Variants in ENOX1 observed in about 807,000 individuals in gnomAD.
ENOX1 encodes the protein ecto-NOX disulfide-thiol exchanger 1.
ENOX1 carries 42 observed loss-of-function variants against 82.5 expected under a neutral mutation model. That is an observed-to-expected ratio of 0.51 (90% confidence interval 0.40 to 0.66). The LOEUF (loss-of-function observed/expected upper bound fraction) is 0.66, where lower values mean the gene tolerates loss of function less well. Ranked by LOEUF, ENOX1 falls within the 30% of genes least tolerant of loss-of-function variation. The pLI is 0.00. For missense variants in ENOX1, 608 were observed against 811.6 expected (o/e 0.75, Z 3.05); for synonymous variants, 271 against 282.2 (o/e 0.96, Z 0.40).
chr13:43,438,522 C>T (rs1431475745), intron 3 of ENOX1, among the ~76,000 whole-genome samples: 1 of 152,148 alleles, frequency 6.6e-6, no homozygotes, highest in Admixed American at 6.6e-5. Flanking sequence ...ATTTCCATGG[C>T]ACAAGAACAC....
chr13:43,436,003 T>C (rs1191842379), intron 3 of ENOX1, among the ~76,000 whole-genome samples: 4 of 150,372 alleles, frequency 2.7e-5, no homozygotes, highest in African/African-American at 4.9e-5. Context: ...AGGCAGGAAA[T>C]GGTAAACTCA....
At chr13:43,492,591 T>C (rs1346939992) in intron 2 of ENOX1, among the ~76,000 whole-genome samples, 1 of 152,142 alleles carries the variant, frequency 6.6e-6, no homozygotes, top group Admixed American at 6.5e-5. Context: ...GACTGGACTT[T>C]CCAAGAAAGT....
chr13:43,687,982 C>A (rs957407162), intron 1 of ENOX1, among the ~76,000 whole-genome samples: 1 of 151,888 alleles, frequency 6.6e-6, no homozygotes, highest in African/African-American at 2.4e-5. Flanking sequence ...AGAGAGAACA[C>A]AATATAAACA....
chr13:43,650,683 C>G (rs953420536), intron 2 of ENOX1, among the ~76,000 whole-genome samples: 1 of 152,002 alleles, frequency 6.6e-6, no homozygotes, highest in Non-Finnish European at 1.5e-5. Context: ...ACTAAAAACA[C>G]AAAAATCAAC....
intron 15 of ENOX1, among the ~76,000 whole-genome samples, chr13:43,229,499 C>T (rs528798054): frequency 2.0e-5 from 3 of 152,244 alleles, no homozygotes; most frequent in Admixed American, 6.5e-5. Context: ...AGGTGGGGGC[C>T]AGATCACGCA....
Position 43,576,768 on chromosome 13 carries a change from G to T in ENOX1, c.-219+90711C>A, listed in dbSNP as rs569548849. Reference sequence around the variant, plus strand: ...CCAGAAAGATTAAATTACATATATAGATCACATAGTATTTCTATGGAACAG... The same window carrying T: ...CCAGAAAGATTAAATTACATATATATATCACATAGTATTTCTATGGAACAG... On this transcript the variant is annotated intron_variant, in intron 2 of 16. Transcript: ENST00000690772. Among the ~76,000 whole-genome samples, 6 of 152,268 alleles carry T rather than the reference G, an allele frequency of 3.9e-5. No individual in the cohort carries two copies. In the South Asian group the frequency reaches 1.2e-3, roughly 32 times the overall value.
chr13:43,437,199 A>C (rs1351007813), intron 3 of ENOX1, among the ~76,000 whole-genome samples: 2 of 152,212 alleles, frequency 1.3e-5, no homozygotes, highest in African/African-American at 4.8e-5. Context: ...AGAACTGTTC[A>C]ACTCCCATTT....
chr13:43,267,554 T>G (rs932912724), intron 13 of ENOX1, among the ~76,000 whole-genome samples: 4 of 152,216 alleles, frequency 2.6e-5, no homozygotes, highest in Admixed American at 2.6e-4. Context: ...TCCATTTGTT[T>G]AGGCCACATC....
At chr13:43,360,723 A>G (rs547094831) in intron 6 of ENOX1, among the ~76,000 whole-genome samples, 66 of 151,844 alleles carry the variant, frequency 4.3e-4, no homozygotes, top group African/African-American at 1.5e-3. Context: ...AAAAAAAAAA[A>G]AAGTCCTAGC....
intron 1 of ENOX1, among the ~76,000 whole-genome samples, chr13:43,779,220 T>C (rs571651025): frequency 8.7e-5 from 13 of 150,184 alleles, no homozygotes; most frequent in African/African-American, 2.7e-4. Context: ...TTCTTCCATA[T>C]CTTACGTTGA....
At chr13:43,487,445 T>TA (rs2076467713) in intron 2 of ENOX1, among the ~76,000 whole-genome samples, 1 of 152,196 alleles carries the variant, frequency 6.6e-6, no homozygotes, top group Non-Finnish European at 1.5e-5. Context: ...TTCATGAAAT[T>TA]AGACATTATT....
chr13:43,746,690 GA>G (rs917677690), intron 1 of ENOX1, among the ~76,000 whole-genome samples: 77 of 146,738 alleles, frequency 5.2e-4, no homozygotes, highest in East Asian at 2.8e-3. Flanking sequence ...AAAGTAAGTA[GA>G]AAAAAAAAAG....
chr13:43,329,087 A>G (rs1019487405), intron 9 of ENOX1, among the ~76,000 whole-genome samples: 2 of 152,244 alleles, frequency 1.3e-5, no homozygotes, highest in Admixed American at 6.5e-5. Context: ...GCCAAGTCTT[A>G]AATAGTGAAG....
At chr13:43,615,578 CTCT>C (rs749113196) in intron 2 of ENOX1, among the ~76,000 whole-genome samples, 6 of 152,076 alleles carry the variant, frequency 3.9e-5, no homozygotes, top group Non-Finnish European at 7.4e-5. Flanking sequence ...ATCATGAAAA[CTCT>C]TCTTAAGTTT....
rs758820122 is a variant in ENOX1, at chr13:43,412,014, TG to T, written c.109del (p.Gln37SerfsTer6). The T allele has an allele frequency of 3.1e-6, 5 of 1,614,148 alleles. No individual in the cohort carries two copies. The highest frequency in any genetic ancestry group is 4.2e-6 in the Non-Finnish European group (5 of 1,180,024). On this transcript the variant is annotated frameshift_variant, in exon 5 of 17. Coordinates refer to ENST00000690772, the MANE Select transcript of ENOX1 (RefSeq NM_001347969.2). LOFTEE classifies it high-confidence loss of function. ...GGGATCTGTCACGGACATGTTGAGC[TG>T]GGTCGTGTCTATCGCTATACTCCCC... ...GLGSIAIDTT[Q>X]LNMSVTDPTA...
At chr13:43,444,870 C>T (rs1463891388) in intron 3 of ENOX1, among the ~76,000 whole-genome samples, 7 of 152,126 alleles carry the variant, frequency 4.6e-5, no homozygotes, top group African/African-American at 2.4e-5. Flanking sequence ...ACGTGCCACC[C>T]GTACCTCTTC....
intron 9 of ENOX1, among the ~76,000 whole-genome samples, chr13:43,341,298 A>C (rs1053310088): frequency 4.6e-5 from 7 of 151,578 alleles, no homozygotes; most frequent in African/African-American, 1.7e-4. Flanking sequence ...TCCATCTCAA[A>C]AAAAAAAAAG....
chr13:43,646,776 T>C (rs940780706), intron 2 of ENOX1, among the ~76,000 whole-genome samples: 1 of 152,162 alleles, frequency 6.6e-6, no homozygotes, highest in South Asian at 2.1e-4. Flanking sequence ...GAGGTGATCA[T>C]ACTCACTTTC....
chr13:43,725,554 C>T (rs774696066), intron 1 of ENOX1, among the ~76,000 whole-genome samples: 4 of 152,074 alleles, frequency 2.6e-5, no homozygotes, highest in Admixed American at 6.5e-5. Context: ...AGCATATCTT[C>T]GACTCCTGTG....
Sources: gnomAD v4.1 joint callset for allele counts (sites outside exome capture counted in the v4.1 genomes callset) on GRCh38, gnomAD v4.1.1 for gene constraint, MANE v1.5 for transcripts, NCBI Gene and HGNC (gene_info 2026-07-23, HGNC 2026-07-21) for gene names.